The following GRM7 variants were observed in gnomAD, a reference collection of about 807,000 sequenced individuals.
GRM7 encodes the protein metabotropic glutamate receptor 7.
GRM7 carries 35 observed loss-of-function variants against 84.5 expected under a neutral mutation model. The ratio of observed to expected loss-of-function variants is 0.41; its 90% CI spans 0.32 to 0.55. The LOEUF is 0.55. Ranked by LOEUF, GRM7 falls within the 20% of genes least tolerant of loss-of-function variation. The pLI is 0.19. For missense variants in GRM7, 1,003 were observed against 1,194.6 expected, an observed-to-expected ratio of 0.84 and a Z score of 2.36; for synonymous variants, 487 against 455.1, an observed-to-expected ratio of 1.07 and a Z score of -0.89.
At chr3:7,506,010 A>C (rs2124971037) in intron 7 of GRM7, among the ~76,000 whole-genome samples, 1 of 152,202 alleles carries the variant, frequency 6.6e-6, no homozygotes, top group South Asian at 2.1e-4. Flanking sequence ...TGTAATTATA[A>C]ATTCTGTCTT....
In GRM7 at chr3:7,534,785, C is replaced by T. The variant is rs140285324; in HGVS notation, c.1516-43637C>T. ...ATGACAAGTAAGTAAAAACAGAATG[C>T]AATATGTGGAAATCCAGGGGTGTCA... On this transcript the variant is annotated intron_variant, in intron 7 of 9. Transcript: ENST00000357716. 3.2e-3 allele frequency among the ~76,000 whole-genome samples: 486 copies of T among 152,174 alleles called. 5 individuals are homozygous for T. The highest frequency in any genetic ancestry group is 0.014 in the Middle Eastern group (4 of 294).
chr3:7,201,221 G>A (rs910158320), intron 2 of GRM7, among the ~76,000 whole-genome samples: 1 of 151,788 alleles, frequency 6.6e-6, no homozygotes, highest in South Asian at 2.1e-4. Context: ...TGCCCGCCTC[G>A]GCCTCCCAAA....
rs138872884 is a variant in GRM7 at position 7,127,348 on chromosome 3, C to T, written c.520-19104C>T. Among the ~76,000 whole-genome samples, 876 of 152,270 alleles carry T rather than the reference C, an allele frequency of 5.8e-3. 4 individuals are homozygous for T. Among genetic ancestry groups the T allele is most frequent in the Admixed American group, 0.011 (166 of 15,300 alleles). ...GAAACAGACTGGGCAGAGAAAAGATCGGATGAGTTAATGGGGATAGATTCC... is the reference window on the plus strand; with the variant it reads ...GAAACAGACTGGGCAGAGAAAAGATTGGATGAGTTAATGGGGATAGATTCC... On this transcript the variant is annotated intron_variant, in intron 1 of 9. Coordinates refer to ENST00000357716, the MANE Select transcript of GRM7 (RefSeq NM_000844.4).
chr3:7,288,207 A>C (rs1457193042), intron 2 of GRM7, among the ~76,000 whole-genome samples: 1 of 152,104 alleles, frequency 6.6e-6, no homozygotes, highest in Non-Finnish European at 1.5e-5. Flanking sequence ...GTTTCACTGG[A>C]TGAGTTGGGG....
At chr3:7,496,774 T>C (rs1699718750) in intron 7 of GRM7, among the ~76,000 whole-genome samples, 3 of 151,792 alleles carry the variant, frequency 2.0e-5, no homozygotes, top group South Asian at 2.1e-4. Flanking sequence ...AATATAATTA[T>C]AGATATAAAA....
At chr3:7,620,669 T>C (rs1340597735) in intron 8 of GRM7, among the ~76,000 whole-genome samples, 1 of 152,196 alleles carries the variant, frequency 6.6e-6, no homozygotes, top group African/African-American at 2.4e-5. Flanking sequence ...TTTTATATGC[T>C]GGTGGAGATG....
At chr3:7,732,076 C>A (rs781673544) in intron 9 of GRM7, among the ~76,000 whole-genome samples, 3 of 152,046 alleles carry the variant, frequency 2.0e-5, no homozygotes, top group Non-Finnish European at 4.4e-5. Flanking sequence ...GACAGAGTCT[C>A]GCTTTGTCGC....
chr3:7,432,001 C>A (rs1010907931), intron 5 of GRM7, among the ~76,000 whole-genome samples: 1 of 152,074 alleles, frequency 6.6e-6, no homozygotes, highest in Non-Finnish European at 1.5e-5. Flanking sequence ...TGACTTTGAG[C>A]AGTGTGGCTT....
intron 1 of GRM7, among the ~76,000 whole-genome samples, chr3:7,094,006 A>G (rs895979447): frequency 1.3e-5 from 2 of 152,140 alleles, no homozygotes; most frequent in Admixed American, 6.5e-5. Flanking sequence ...CCATCTTGCT[A>G]TTGGACTCTT....
At chr3:7,278,296 T>G (rs900699079) in intron 2 of GRM7, among the ~76,000 whole-genome samples, 2 of 151,994 alleles carry the variant, frequency 1.3e-5, no homozygotes, top group African/African-American at 4.8e-5. Context: ...ATTTTATCAT[T>G]GTTAAATTGA....
chr3:7,076,503 C>A (rs563176136), intron 1 of GRM7, among the ~76,000 whole-genome samples: 4 of 152,124 alleles, frequency 2.6e-5, no homozygotes, highest in Non-Finnish European at 4.4e-5. Flanking sequence ...GCACTTGCTT[C>A]CCCTTCACCT....
At chr3:7,330,901 A>G (rs1165313381) in intron 4 of GRM7, among the ~76,000 whole-genome samples, 1 of 152,076 alleles carries the variant, frequency 6.6e-6, no homozygotes, top group Non-Finnish European at 1.5e-5. Context: ...CTTTATTTTC[A>G]TAGGGCTGAT....
intron 9 of GRM7, among the ~76,000 whole-genome samples, chr3:7,707,640 A>G (rs945761975): frequency 2.0e-5 from 3 of 152,218 alleles, no homozygotes; most frequent in Non-Finnish European, 4.4e-5. Context: ...ACAAAACACC[A>G]GAAGATGGTG....
At chr3:7,404,815 G>A (rs1256626755) in intron 4 of GRM7, among the ~76,000 whole-genome samples, 2 of 151,760 alleles carry the variant, frequency 1.3e-5, no homozygotes, top group South Asian at 2.1e-4. Flanking sequence ...TAATAATAAT[G>A]CAAACAAGAT....
At position 7,395,601 on chromosome 3, in the gene GRM7, G is replaced by C. The variant is rs1454990317; in HGVS notation, c.1034-19422G>C. 2.0e-5 allele frequency among the ~76,000 whole-genome samples: 3 copies of C among 152,126 alleles called. No homozygotes were observed. In the South Asian group the frequency reaches 6.2e-4, roughly 32 times the overall value. On this transcript the variant is annotated intron_variant, in intron 4 of 9. Coordinates refer to ENST00000357716, the MANE Select transcript of GRM7 (RefSeq NM_000844.4). Reference sequence around the variant, plus strand: ...TCCTAGGGGCAATTTTCTTCATACTGTCCTCATGGTAGTGAATAAGTCTCA... The same window carrying C: ...TCCTAGGGGCAATTTTCTTCATACTCTCCTCATGGTAGTGAATAAGTCTCA...
At chr3:7,662,765 G>C (rs1183828086) in intron 8 of GRM7, among the ~76,000 whole-genome samples, 1 of 152,194 alleles carries the variant, frequency 6.6e-6, no homozygotes, top group African/African-American at 2.4e-5. Context: ...AGAGTGTACA[G>C]ATGTTCTTTG....
chr3:7,099,336 T>C (rs1330200685), intron 1 of GRM7, among the ~76,000 whole-genome samples: 3 of 148,056 alleles, frequency 2.0e-5, no homozygotes, highest in Non-Finnish European at 3.0e-5. Context: ...TGTACACATG[T>C]ATTATACATG....
intron 8 of GRM7, among the ~76,000 whole-genome samples, chr3:7,602,246 G>C (rs1446806427): frequency 6.6e-6 from 1 of 152,050 alleles, no homozygotes; most frequent in African/African-American, 2.4e-5. Context: ...GGAAAGTAGA[G>C]GCATCCCATT....
chr3:6,892,952 T>A (rs1199423335), intron 1 of GRM7: 2 of 152,166 alleles, frequency 1.3e-5, no homozygotes, highest in African/African-American at 2.4e-5. Context: ...TGAGATTTCA[T>A]GTAATGTGTC....
Sources: allele counts gnomAD v4.1 joint callset (sites outside exome capture counted in the v4.1 genomes callset), GRCh38; gene constraint gnomAD v4.1.1; transcripts MANE v1.5; gene names NCBI Gene and HGNC (gene_info 2026-07-23, HGNC 2026-07-21).